The following CADM1 variants were observed in gnomAD, a reference collection of about 807,000 sequenced individuals.
CADM1 encodes the protein TSLC-1.
CADM1 carries 15 observed loss-of-function variants against 53.1 expected under a neutral mutation model. That is an observed-to-expected ratio of 0.28 (90% CI 0.19 to 0.44). The LOEUF is 0.44. CADM1 is among the 20% of genes least tolerant of loss of function. The pLI is 1.00. For missense variants in CADM1, 434 were observed against 611.3 expected (o/e 0.71, Z 3.06); for synonymous variants, 281 against 243.0 (o/e 1.16, Z -1.45).
chr11:115,430,065 G>T (rs973751945), intron 1 of CADM1, among the ~76,000 whole-genome samples: 1 of 152,000 alleles, frequency 6.6e-6, no homozygotes, highest in African/African-American at 2.4e-5. Context: ...TACCAAATAG[G>T]GTAACCTTTG....
intron 1 of CADM1, among the ~76,000 whole-genome samples, chr11:115,466,547 T>C (rs1223385407): frequency 6.6e-6 from 1 of 152,194 alleles, no homozygotes; most frequent in Non-Finnish European, 1.5e-5. Context: ...GGTGGAAATA[T>C]AAATCAACAA....
intron 1 of CADM1, among the ~76,000 whole-genome samples, chr11:115,341,137 C>CA (rs1945436385): frequency 6.6e-6 from 1 of 152,156 alleles, no homozygotes; most frequent in Non-Finnish European, 1.5e-5. Flanking sequence ...TACCAACTCT[C>CA]AGACTGATGG....
At chr11:115,239,333 G>C (rs916435334) in intron 2 of CADM1, among the ~76,000 whole-genome samples, 1 of 152,166 alleles carries the variant, frequency 6.6e-6, no homozygotes, top group African/African-American at 2.4e-5. Flanking sequence ...TCGAGCCTAC[G>C]GAGGCCTTAA....
At chr11:115,462,213 G>A (rs1415513202) in intron 1 of CADM1, among the ~76,000 whole-genome samples, 1 of 152,172 alleles carries the variant, frequency 6.6e-6, no homozygotes, top group Non-Finnish European at 1.5e-5. Context: ...ACCTTCGAAA[G>A]TTTCATTTCA....
rs12222254 is a variant in CADM1, at chr11:115,423,024, C to T, written c.124+81247G>A. Among the ~76,000 whole-genome samples, 8 of 133,886 alleles carry T rather than the reference C, an allele frequency of 6.0e-5. No homozygotes were observed. In the East Asian group the frequency reaches 6.2e-4, roughly 10 times the overall value. The allele number at this position is 133,886 out of a possible 152,430, so 87.8% of individuals were successfully genotyped here. On this transcript the variant is annotated intron_variant, in intron 1 of 11. Coordinates refer to ENST00000331581, the MANE Select transcript of CADM1 (RefSeq NM_001301043.2). ...TAAAATATAAACCTAGAAAACGCTA[C>T]GGTCTGTTTTTTTTTTTAATGTTTG...
intron 1 of CADM1, among the ~76,000 whole-genome samples, chr11:115,249,964 G>T (rs1387868779): frequency 1.7e-5 from 2 of 117,870 alleles, no homozygotes; most frequent in African/African-American, 5.1e-5. Context: ...CAGTGCAGTA[G>T]TGCGATCTCG....
rs759206918 is a variant in CADM1 at position 115,169,604 on chromosome 11, AGAG to A, written c.*6867_*6869del. 20 of 456,512 alleles carry A rather than the reference AGAG, an allele frequency of 4.4e-5. No homozygotes were observed. Among genetic ancestry groups the A allele is most frequent in the Middle Eastern group, 3.2e-4 (1 of 3,098 alleles). 28.3% of individuals were successfully genotyped at this position (456,512 alleles called of 1,614,324 possible). ...GCTGCCCTCATCACTTTATTCTGGGAGAGGAGGTTAGAGAAAACAGGCCTAGAG... is the reference window on the plus strand; with the variant it reads ...GCTGCCCTCATCACTTTATTCTGGGAGAGGTTAGAGAAAACAGGCCTAGAG... On this transcript the variant is annotated 3_prime_UTR_variant, in exon 12 of 12. Coordinates refer to ENST00000331581, the MANE Select transcript of CADM1 (RefSeq NM_001301043.2).
chr11:115,503,321 C>T (rs1008959788), intron 1 of CADM1, among the ~76,000 whole-genome samples: 1 of 152,222 alleles, frequency 6.6e-6, no homozygotes, highest in African/African-American at 2.4e-5. Context: ...AGGGAAGGCA[C>T]CGGGCGTGCA....
rs556430859 is a variant in CADM1, at chr11:115,407,820, C to T, written c.124+96451G>A. Among the ~76,000 whole-genome samples, 15 of 124,140 alleles carry T rather than the reference C, an allele frequency of 1.2e-4. No individual in the cohort carries two copies. In the East Asian group the frequency reaches 3.8e-3, roughly 31 times the overall value. The allele number at this position is 124,140 out of a possible 152,430, so 81.4% of individuals were successfully genotyped here. On this transcript the variant is annotated intron_variant, in intron 1 of 11. Transcript: ENST00000331581. The stretch of plus-strand genomic sequence containing the variant: ...GGGGGGGTTCGAGGCTGCAGTGAGC[C>T]ATACCATCGCACTCCAGCTTGGGTG...
At chr11:115,290,777 G>T (rs1283262480) in intron 1 of CADM1, among the ~76,000 whole-genome samples, 2 of 152,118 alleles carry the variant, frequency 1.3e-5, no homozygotes, top group Non-Finnish European at 2.9e-5. Context: ...TGAGCTTGTT[G>T]GCTATGGAAA....
chr11:115,325,585 A>C (rs1224192581), intron 1 of CADM1, among the ~76,000 whole-genome samples: 1 of 152,194 alleles, frequency 6.6e-6, no homozygotes. Flanking sequence ...TCTACTCGGC[A>C]CAATTACATA....
intron 1 of CADM1, among the ~76,000 whole-genome samples, chr11:115,402,973 G>C (rs1019912798): frequency 1.3e-5 from 2 of 152,180 alleles, no homozygotes; most frequent in Non-Finnish European, 2.9e-5. Context: ...AGGATGATGG[G>C]AATAGAAATC....
At chr11:115,247,224 A>G (rs1477086514) in intron 1 of CADM1, among the ~76,000 whole-genome samples, 1 of 152,164 alleles carries the variant, frequency 6.6e-6, no homozygotes. Flanking sequence ...TATGGCAAAT[A>G]TGTTTCAGTT....
intron 9 of CADM1, among the ~76,000 whole-genome samples, chr11:115,196,754 C>T (rs923612467): frequency 6.6e-6 from 1 of 152,050 alleles, no homozygotes; most frequent in African/African-American, 2.4e-5. Flanking sequence ...TAGTTAATTA[C>T]AGTAAGCTCA....
At chr11:115,467,564 T>C (rs1026857111) in intron 1 of CADM1, among the ~76,000 whole-genome samples, 6 of 152,244 alleles carry the variant, frequency 3.9e-5, no homozygotes, top group African/African-American at 1.2e-4. Context: ...ACTAGGCATA[T>C]TAAGGCATAA....
chr11:115,434,969 T>G lies in CADM1; in HGVS notation c.124+69302A>C, dbSNP rs544751828. Among the ~76,000 whole-genome samples, 3 of 151,522 alleles carry G rather than the reference T, an allele frequency of 2.0e-5. No individual in the cohort carries two copies. In the South Asian group the frequency reaches 6.3e-4, roughly 32 times the overall value. On this transcript the variant is annotated intron_variant, in intron 1 of 11. Coordinates refer to ENST00000331581, the MANE Select transcript of CADM1 (RefSeq NM_001301043.2). ...TCCGCTTCCTGGGTTCAAGCGATTC[T>G]CCTGCCTTAGCCTCCAGAGTAGCTG...
At chr11:115,436,706 A>G (rs921494205) in intron 1 of CADM1, among the ~76,000 whole-genome samples, 1 of 152,196 alleles carries the variant, frequency 6.6e-6, no homozygotes, top group Non-Finnish European at 1.5e-5. Flanking sequence ...CCTCTGTTGT[A>G]CCTCAATGGT....
chr11:115,223,136 A>C (rs1283294609), intron 5 of CADM1, among the ~76,000 whole-genome samples: 1 of 152,178 alleles, frequency 6.6e-6, no homozygotes, highest in Non-Finnish European at 1.5e-5. Flanking sequence ...TTTACTACTG[A>C]TTAAAAAATA....
intron 1 of CADM1, among the ~76,000 whole-genome samples, chr11:115,260,678 T>A (rs1435964791): frequency 6.6e-6 from 1 of 151,184 alleles, no homozygotes; most frequent in Non-Finnish European, 1.5e-5. Context: ...TTATTTATTT[T>A]ATTTATTTTT....
Sources: gnomAD v4.1 joint callset for allele counts (sites outside exome capture counted in the v4.1 genomes callset) on GRCh38, gnomAD v4.1.1 for gene constraint, MANE v1.5 for transcripts, NCBI Gene and HGNC (gene_info 2026-07-23, HGNC 2026-07-21) for gene names.